Variants in PROS1 observed in about 807,000 individuals in gnomAD.
PROS1 encodes the protein protein S.
PROS1 carries 29 observed loss-of-function variants against 75.9 expected under a neutral mutation model. The observed-to-expected ratio is 0.38, with a 90% CI of 0.28 to 0.52. The LOEUF is 0.52. Ranked by LOEUF, PROS1 falls within the 20% of genes least tolerant of loss-of-function variation. PROS1 has a pLI of 0.83. For missense variants in PROS1, 680 were observed against 810.3 expected, an observed-to-expected ratio of 0.84 and a Z score of 1.95; for synonymous variants, 245 against 280.6, an observed-to-expected ratio of 0.87 and a Z score of 1.27.
intron 10 of PROS1, among the ~76,000 whole-genome samples, chr3:93,887,630 T>A (rs2107142257): frequency 6.6e-6 from 1 of 152,356 alleles, no homozygotes; most frequent in South Asian, 2.1e-4. Context: ...CCTTCTTTAA[T>A]ATAGCCAATT....
chr3:93,897,557 T>C (rs552193972), intron 8 of PROS1, among the ~76,000 whole-genome samples: 1 of 152,158 alleles, frequency 6.6e-6, no homozygotes, highest in South Asian at 2.1e-4. Context: ...TTCAATTAAG[T>C]AGTAACGTAC....
chr3:93,968,694 G>A (rs1709825234), intron 1 of PROS1, among the ~76,000 whole-genome samples: 1 of 152,064 alleles, frequency 6.6e-6, no homozygotes, highest in Admixed American at 6.6e-5. Context: ...AGCTCAGACT[G>A]CTGTGTTGCC....
chr3:93,904,717 G>A (rs1708648254), intron 6 of PROS1, among the ~76,000 whole-genome samples: 3 of 151,958 alleles, frequency 2.0e-5, no homozygotes, highest in Admixed American at 2.0e-4. Context: ...GTCCAGGTGG[G>A]AAATTTTATT....
At chr3:93,924,339 G>A in intron 2 of PROS1, 75 bp from the exon 3 acceptor site, 1 of 888,564 alleles carries the variant, frequency 1.1e-6, no homozygotes, top group South Asian at 3.1e-5. Flanking sequence ...ATTTTATAAT[G>A]TGTTTTTATA....
chr3:93,941,457 T>C (rs974573660), intron 1 of PROS1, among the ~76,000 whole-genome samples: 9 of 152,196 alleles, frequency 5.9e-5, no homozygotes, highest in African/African-American at 1.4e-4. Context: ...CTGGGCATGA[T>C]TGGATACTTT....
At chr3:93,921,016 G>A (rs1422813013) in intron 3 of PROS1, among the ~76,000 whole-genome samples, 1 of 152,130 alleles carries the variant, frequency 6.6e-6, no homozygotes, top group Non-Finnish European at 1.5e-5. Flanking sequence ...ACTAAGTAGT[G>A]ATCTCTATCA....
chr3:93,893,286 T>A (rs1323703225), intron 9 of PROS1, among the ~76,000 whole-genome samples, 164 bp from the exon 10 acceptor site: 1 of 152,234 alleles, frequency 6.6e-6, no homozygotes, highest in East Asian at 1.9e-4. Context: ...AGACTGCTCA[T>A]GTATTATCTC....
intron 4 of PROS1, 129 bp from the exon 5 acceptor site, chr3:93,906,272 T>C: frequency 9.9e-7 from 1 of 1,008,562 alleles, no homozygotes; most frequent in Non-Finnish European, 1.5e-6. Context: ...TTTCTTTAAA[T>C]AATACTTTTC....
intron 1 of PROS1, among the ~76,000 whole-genome samples, chr3:93,972,576 C>T (rs1305346469): frequency 2.6e-5 from 4 of 152,000 alleles, no homozygotes; most frequent in Admixed American, 1.3e-4. Flanking sequence ...CGGTGGCTCA[C>T]GCCTGTAATC....
At chr3:93,913,091 G>T (rs1339163770) in intron 3 of PROS1, among the ~76,000 whole-genome samples, 3 of 152,148 alleles carry the variant, frequency 2.0e-5, no homozygotes, top group African/African-American at 7.2e-5. Flanking sequence ...GGAGGTAATT[G>T]AATCAGGGGG....
chr3:93,897,204 C>A (rs1708514791), intron 8 of PROS1, among the ~76,000 whole-genome samples: 1 of 151,948 alleles, frequency 6.6e-6, no homozygotes, highest in South Asian at 2.1e-4. Context: ...TACTGGAAAA[C>A]ATGAAGGAAA....
intron 1 of PROS1, among the ~76,000 whole-genome samples, chr3:93,944,870 C>T (rs1307522647): frequency 6.6e-6 from 1 of 151,912 alleles, no homozygotes; most frequent in African/African-American, 2.4e-5. Context: ...AATCTAGGAG[C>T]TGGTTTTTTG....
chr3:93,971,231 C>A (rs1709876187), intron 1 of PROS1, among the ~76,000 whole-genome samples: 1 of 151,490 alleles, frequency 6.6e-6, no homozygotes, highest in African/African-American at 2.4e-5. Context: ...TGGTGCAATA[C>A]CAGCTACTTG....
At chr3:93,929,167 G>GA (rs1208735638) in intron 1 of PROS1, among the ~76,000 whole-genome samples, 1 of 152,130 alleles carries the variant, frequency 6.6e-6, no homozygotes, top group African/African-American at 2.4e-5. Flanking sequence ...AATTAAAAAT[G>GA]ACTTAAATAT....
At chr3:93,875,691 G>C (rs1480194338) in intron 14 of PROS1, among the ~76,000 whole-genome samples, 3 of 150,430 alleles carry the variant, frequency 2.0e-5, no homozygotes, top group Admixed American at 2.0e-4. Context: ...CTATCTATCT[G>C]TCTGTCTTTC....
At chr3:93,944,259 T>A (rs1709342377) in intron 1 of PROS1, among the ~76,000 whole-genome samples, 1 of 151,210 alleles carries the variant, frequency 6.6e-6, no homozygotes, top group Non-Finnish European at 1.5e-5. Context: ...TTGCTGTTTA[T>A]ATATGAAAAC....
chr3:93,906,014 T>C lies in PROS1; in HGVS notation c.469+7A>G. 6.2e-7 allele frequency: 1 copy of C among 1,614,022 alleles called. No individual in the cohort carries two copies. The highest frequency in any genetic ancestry group is 8.5e-7 in the Non-Finnish European group (1 of 1,179,946). ...ATGAGCTGGGGGGCGGGGGTTATTA[T>C]ACGTACCAAATTCACACTTTTCTCC... is the stretch of plus-strand genomic sequence containing the variant. On this transcript the variant is annotated splice_region_variant and intron_variant, in intron 5 of 14. Coordinates refer to ENST00000394236, the MANE Select transcript of PROS1 (RefSeq NM_000313.4).
intron 12 of PROS1, 94 bp from the exon 13 acceptor site, chr3:93,879,408 C>T (rs1172148884): frequency 6.8e-6 from 10 of 1,469,906 alleles, no homozygotes; most frequent in Admixed American, 5.0e-5. Flanking sequence ...ATATTCAAAA[C>T]TATCTTGTGT....
chr3:93,913,692 C>T (rs533748342), intron 3 of PROS1, among the ~76,000 whole-genome samples: 154 of 152,308 alleles, frequency 1.0e-3, no homozygotes, highest in South Asian at 2.5e-3. Flanking sequence ...ATTATCCAGT[C>T]TTGGGTATGT....
Sources: gnomAD v4.1 joint callset for allele counts (sites outside exome capture counted in the v4.1 genomes callset) on GRCh38, gnomAD v4.1.1 for gene constraint, MANE v1.5 for transcripts, NCBI Gene and HGNC (gene_info 2026-07-23, HGNC 2026-07-21) for gene names.